The following PAWR variants were observed in gnomAD, a reference collection of about 807,000 sequenced individuals.
The protein encoded by PAWR is PRKC apoptosis WT1 regulator protein.
A neutral mutation model predicts 32.0 loss-of-function variants in PAWR; 23 were observed. That is an observed-to-expected ratio of 0.72 (90% CI 0.52 to 1.02). PAWR has a LOEUF of 1.02. Ranked by LOEUF, PAWR falls within the 50% of genes least tolerant of loss-of-function variation. PAWR has a pLI of 0.00. For missense variants in PAWR, 457 were observed against 437.7 expected (o/e 1.04, Z -0.39); for synonymous variants, 226 against 187.1 (o/e 1.21, Z -1.70).
intron 6 of PAWR, among the ~76,000 whole-genome samples, chr12:79,592,912 CT>C (rs1873609001): frequency 6.6e-6 from 1 of 152,152 alleles, no homozygotes; most frequent in Non-Finnish European, 1.5e-5. Flanking sequence ...TCTTACAGAT[CT>C]TTCAGTTTTT....
In PAWR at chr12:79,596,547, A is replaced by T; in HGVS notation, c.795T>A (p.Ser265Arg). ...DANVSGTLVS[S>R]STLEKKIEDL... ...CTTCAATTTTCTTTTCCAGTGTGCT[A>T]CTTGAAACCAGAGTACCTGAAACAT... The change falls in exon 5 of 7, where the codon AGT becomes AGA. Residue 265 changes from serine (S) to arginine (R), a missense_variant. Coordinates refer to ENST00000328827, the MANE Select transcript of PAWR (RefSeq NM_002583.4). 1.3e-6 allele frequency: 2 copies of T among 1,592,660 alleles called. No individual in the cohort carries two copies. Among genetic ancestry groups the T allele is most frequent in the Non-Finnish European group, 1.7e-6 (2 of 1,164,114 alleles).
intron 2 of PAWR, among the ~76,000 whole-genome samples, chr12:79,638,892 A>ATT (rs1876129455): frequency 3.8e-4 from 5 of 13,134 alleles, no homozygotes; most frequent in East Asian, 1.8e-3. Flanking sequence ...ATATATATAT[A>ATT]TATATTTTTT....
At chr12:79,627,326 T>A (rs1473758983) in intron 2 of PAWR, among the ~76,000 whole-genome samples, 2 of 152,214 alleles carry the variant, frequency 1.3e-5, no homozygotes, top group African/African-American at 4.8e-5. Flanking sequence ...TGATTTGCAT[T>A]TCTCTGATGG....
chr12:79,612,204 C>T (rs1874472306), intron 4 of PAWR, among the ~76,000 whole-genome samples: 1 of 152,028 alleles, frequency 6.6e-6, no homozygotes, highest in Non-Finnish European at 1.5e-5. Flanking sequence ...ATACCTACAT[C>T]AAAATTACCC....
intron 2 of PAWR, among the ~76,000 whole-genome samples, chr12:79,673,314 C>T (rs1402845692): frequency 6.6e-6 from 1 of 152,158 alleles, no homozygotes; most frequent in Non-Finnish European, 1.5e-5. Flanking sequence ...CGTGATCTGC[C>T]CGCCTCAGCC....
At chr12:79,679,907 AG>A (rs1447249731) in intron 2 of PAWR, among the ~76,000 whole-genome samples, 1 of 152,166 alleles carries the variant, frequency 6.6e-6, no homozygotes, top group African/African-American at 2.4e-5. Context: ...GATCATTATT[AG>A]TATACTCTTA....
chr12:79,604,772 A>G, intron 4 of PAWR: 1 of 932,846 alleles, frequency 1.1e-6, no homozygotes, highest in Non-Finnish European at 1.5e-6. Flanking sequence ...CTAAAAATCA[A>G]AATCAACTCC....
chr12:79,651,226 T>C (rs889487026), intron 2 of PAWR, among the ~76,000 whole-genome samples: 3 of 152,202 alleles, frequency 2.0e-5, no homozygotes, highest in African/African-American at 7.2e-5. Flanking sequence ...AAACTTTATT[T>C]TTCTTTCTTC....
rs112866996 is a variant in PAWR, at chr12:79,618,758, T to C, written c.648+2318A>G. ...TTTTAACGAGGAAAATGCTTGACAT[T>C]CTTACATGGTAGAACAAAATTCCAC... is the stretch of plus-strand genomic sequence containing the variant. On this transcript the variant is annotated intron_variant, in intron 3 of 6. Coordinates refer to ENST00000328827, the MANE Select transcript of PAWR (RefSeq NM_002583.4). Among the ~76,000 whole-genome samples the C allele has an allele frequency of 5.3e-3, 814 of 152,318 alleles. 3 individuals are homozygous for C. Among genetic ancestry groups the C allele is most frequent in the Middle Eastern group, 0.017 (5 of 294 alleles).
Position 79,689,912 on chromosome 12 carries a change from C to A in PAWR, c.333G>T (p.Glu111Asp), listed in dbSNP as rs768772116. ...AAPGPRRSEDEPPAASASAAP... is the reference protein window; with the variant it reads ...AAPGPRRSEDDPPAASASAAP... ...CAGCCGAGGCAGAGGCGGCTGGGGG[C>A]TCGTCCTCCGACCGCCGCGGGCCGG... Residue 111 changes from glutamate (E) to aspartate (D), a missense_variant, in exon 2 of 7, where the codon GAG becomes GAT. Transcript: ENST00000328827. 4 of 1,458,134 alleles carry A rather than the reference C, an allele frequency of 2.7e-6. No homozygotes were observed. The highest frequency in any genetic ancestry group is 2.8e-5 in the South Asian group (2 of 71,738). 90.3% of individuals were successfully genotyped at this position (1,458,134 alleles called of 1,614,324 possible).
chr12:79,659,475 T>C (rs1877248460), intron 2 of PAWR, among the ~76,000 whole-genome samples: 1 of 152,178 alleles, frequency 6.6e-6, no homozygotes, highest in African/African-American at 2.4e-5. Flanking sequence ...GGCCTCCTCA[T>C]GTTAGCAGCC....
intron 4 of PAWR, among the ~76,000 whole-genome samples, chr12:79,598,696 A>C (rs1424676839): frequency 6.6e-6 from 1 of 152,226 alleles, no homozygotes; most frequent in Non-Finnish European, 1.5e-5. Context: ...CTTTACTGAT[A>C]GTTGTTACTA....
chr12:79,664,805 TA>T (rs1328776732), intron 2 of PAWR, among the ~76,000 whole-genome samples: 1 of 151,750 alleles, frequency 6.6e-6, no homozygotes, highest in Non-Finnish European at 1.5e-5. Flanking sequence ...TTTTTTTTTT[TA>T]AAGTTCCAAG....
At chr12:79,659,353 C>T (rs1242199277) in intron 2 of PAWR, among the ~76,000 whole-genome samples, 35 of 151,930 alleles carry the variant, frequency 2.3e-4, no homozygotes, top group Admixed American at 2.3e-3. Flanking sequence ...TGTATTTTGG[C>T]AGGGGCATTT....
At chr12:79,612,348 G>C (rs984246442) in intron 4 of PAWR, among the ~76,000 whole-genome samples, 18 of 152,040 alleles carry the variant, frequency 1.2e-4, no homozygotes, top group Admixed American at 3.3e-4. Context: ...AATAAATACT[G>C]TAGCCCATGA....
chr12:79,592,017 TC>T lies in PAWR; in HGVS notation c.*589del, dbSNP rs1295002240. 6.6e-6 allele frequency: 1 copy of T among 152,604 alleles called. No individual in the cohort carries two copies. The highest frequency in any genetic ancestry group is 1.5e-5 in the Non-Finnish European group (1 of 67,998). 9.5% of individuals were successfully genotyped at this position (152,604 alleles called of 1,614,324 possible). The stretch of plus-strand genomic sequence containing the variant: ...TTACTATAGCACAATTCAAGTATTC[TC>T]TTAAATTTATATTTAGTCAACTAAA... On this transcript the variant is annotated 3_prime_UTR_variant, in exon 7 of 7. Coordinates refer to ENST00000328827, the MANE Select transcript of PAWR (RefSeq NM_002583.4).
intron 2 of PAWR, among the ~76,000 whole-genome samples, chr12:79,625,232 T>C (rs1225052677): frequency 6.6e-6 from 1 of 152,134 alleles, no homozygotes; most frequent in African/African-American, 2.4e-5. Context: ...GTTGTTTATA[T>C]ATTAGGAATA....
intron 2 of PAWR, among the ~76,000 whole-genome samples, chr12:79,663,604 C>A (rs1339573905): frequency 6.6e-6 from 1 of 151,936 alleles, no homozygotes; most frequent in Non-Finnish European, 1.5e-5. Flanking sequence ...CTAAAAAATA[C>A]AAAAAATTAG....
chr12:79,589,197 C>T lies in PAWR; in HGVS notation c.*3410G>A, dbSNP rs868556075. ...AAAAAAAAACTCCAAAGAAAGATACCTATCACTGTACATATGAATACTGTC... is the reference window on the plus strand; with the variant it reads ...AAAAAAAAACTCCAAAGAAAGATACTTATCACTGTACATATGAATACTGTC... On this transcript the variant is annotated 3_prime_UTR_variant, in exon 7 of 7. Coordinates refer to ENST00000328827, the MANE Select transcript of PAWR (RefSeq NM_002583.4). 1 of 151,862 alleles carries T rather than the reference C, an allele frequency of 6.6e-6. No individual in the cohort carries two copies. The allele number at this position is 151,862 out of a possible 1,614,324, so 9.4% of individuals were successfully genotyped here.
Sources: allele counts gnomAD v4.1 joint callset (sites outside exome capture counted in the v4.1 genomes callset), GRCh38; gene constraint gnomAD v4.1.1; transcripts MANE v1.5; gene names NCBI Gene and HGNC (gene_info 2026-07-23, HGNC 2026-07-21).